The following ABCA13 variants were observed in gnomAD, a reference collection of about 807,000 sequenced individuals.
ABCA13 encodes the protein ATP-binding cassette sub-family A member 13.
In ABCA13, 476 loss-of-function variants were observed where a neutral mutation model predicts 478.7. The observed-to-expected ratio is 0.99, with a 90% CI of 0.92 to 1.07. The LOEUF (loss-of-function observed/expected upper bound fraction) is 1.07. Among genes scored for constraint, ABCA13 ranks in the 50% least tolerant of loss-of-function variants. ABCA13 has a pLI of 0.00. For missense variants in ABCA13, 6,060 were observed against 5,910.6 expected, an observed-to-expected ratio of 1.03 and a Z score of -0.83; for synonymous variants, 2,252 against 2,158.9, an observed-to-expected ratio of 1.04 and a Z score of -1.20.
chr7:48,246,048 T>TCTTC lies in ABCA13; in HGVS notation c.1659+18_1659+19insCTTC, dbSNP rs1562871117. The TCTTC allele has an allele frequency of 6.2e-7, 1 of 1,607,798 alleles. No homozygotes were observed. Among genetic ancestry groups the TCTTC allele is most frequent in the Non-Finnish European group, 8.5e-7 (1 of 1,176,726 alleles). On this transcript the variant is annotated intron_variant, in intron 13 of 61. Coordinates refer to ENST00000435803, the MANE Select transcript of ABCA13 (RefSeq NM_152701.5). ...AGGATGCTGTAAGTATTCTACCATC[T>TCTTC]TAGCTCTTCTAAGGGCACAAATTTA...
Position 48,274,937 on chromosome 7 carries a change from G to T in ABCA13, c.5271G>T (p.Leu1757=). ...TGCTTCCTCATGCTGTAAGGCTCCT[G>T]CAGGGAGTACCTGGTAAAAACATCA... The part of the protein sequence containing the change: ...YYVLPHAVRL[L]QGVPGKNITE... Residue 1757 remains leucine (L), a synonymous_variant, in exon 17 of 62, where the codon CTG becomes CTT. Coordinates refer to ENST00000435803, the MANE Select transcript of ABCA13 (RefSeq NM_152701.5). 3 of 1,613,852 alleles carry T rather than the reference G, an allele frequency of 1.9e-6. No homozygotes were observed. The highest frequency in any genetic ancestry group is 1.1e-5 in the South Asian group (1 of 91,086).
chr7:48,180,916 G>C (rs1795606637), intron 1 of ABCA13, among the ~76,000 whole-genome samples: 1 of 150,212 alleles, frequency 6.7e-6, no homozygotes, highest in African/African-American at 2.4e-5. Context: ...AAAACAAAAG[G>C]AAATGAAACA....
At chr7:48,457,423 T>C (rs1825798782) in intron 43 of ABCA13, among the ~76,000 whole-genome samples, 1 of 152,202 alleles carries the variant, frequency 6.6e-6, no homozygotes, top group Non-Finnish European at 1.5e-5. Context: ...TGATACCATT[T>C]TCAGTTGACT....
rs1795477633 is a variant in ABCA13 at position 48,647,116 on chromosome 7, A to G, written c.*1604A>G. The G allele has an allele frequency of 6.6e-6, 1 of 152,172 alleles. No homozygotes were observed. Among genetic ancestry groups the G allele is most frequent in the Admixed American group, 6.5e-5 (1 of 15,276 alleles). 9.4% of individuals were successfully genotyped at this position (152,172 alleles called of 1,614,324 possible). A position where few individuals can be genotyped will look rare whatever the true frequency, so the allele number is the denominator to read the frequency against. Reference sequence around the variant, plus strand: ...ATTTTAAAATTTGGCCTTTTTCAACACTAACGTTGAGTACCGGTAGCTTGT... The same window carrying G: ...ATTTTAAAATTTGGCCTTTTTCAACGCTAACGTTGAGTACCGGTAGCTTGT... On this transcript the variant is annotated 3_prime_UTR_variant, in exon 62 of 62. Coordinates refer to ENST00000435803, the MANE Select transcript of ABCA13 (RefSeq NM_152701.5).
At chr7:48,388,083 T>A in intron 36 of ABCA13, 124 bp downstream of exon 36, 1 of 1,044,064 alleles carries the variant, frequency 9.6e-7, no homozygotes, top group Non-Finnish European at 1.3e-6. Context: ...GACTTACATT[T>A]AGGCTGTCTT....
intron 58 of ABCA13, among the ~76,000 whole-genome samples, chr7:48,608,421 C>T (rs1475034934): frequency 6.6e-6 from 1 of 152,224 alleles, no homozygotes; most frequent in South Asian, 2.1e-4. Flanking sequence ...TCTGGGTTCA[C>T]AAAGAACATG....
chr7:48,427,917 C>T (rs1381414245), intron 42 of ABCA13, 46 bp downstream of exon 42: 2 of 1,304,692 alleles, frequency 1.5e-6, no homozygotes, highest in Non-Finnish European at 2.1e-6. Flanking sequence ...GGAACAATGA[C>T]ACCAGCCTTA....
Position 48,261,823 on chromosome 7 carries a change from A to C in ABCA13, c.2006-7157A>C, listed in dbSNP as rs2128723692. On this transcript the variant is annotated intron_variant, in intron 15 of 61. Transcript: ENST00000435803. ...TGTAAACTTTCCCCAGTTTGTAATG[A>C]TTCTAGGCTGTTCATTCATATTTAA... Among the ~76,000 whole-genome samples the C allele has an allele frequency of 1.3e-5, 2 of 151,874 alleles. 1 individual carries two copies. The highest frequency in any genetic ancestry group is 1.3e-4 in the Admixed American group (2 of 15,230).
intron 48 of ABCA13, among the ~76,000 whole-genome samples, chr7:48,502,382 T>G (rs946270557): frequency 1.3e-5 from 2 of 152,250 alleles, no homozygotes; most frequent in Non-Finnish European, 2.9e-5. Context: ...CTTTCAGCAG[T>G]GACTGTCATG....
At chr7:48,538,481 A>C (rs1050335696) in intron 55 of ABCA13, among the ~76,000 whole-genome samples, 9 of 152,176 alleles carry the variant, frequency 5.9e-5, no homozygotes, top group Non-Finnish European at 1.0e-4. Flanking sequence ...GAAAAAGAAC[A>C]TCCAATGACT....
chr7:48,611,923 C>T (rs553131360), intron 58 of ABCA13: 7 of 152,154 alleles, frequency 4.6e-5, no homozygotes, highest in Non-Finnish European at 1.0e-4. Flanking sequence ...TGTGTTTGTA[C>T]AGGAAAATAT....
intron 20 of ABCA13, among the ~76,000 whole-genome samples, chr7:48,293,583 T>A (rs1425200269): frequency 6.6e-6 from 1 of 152,210 alleles, no homozygotes; most frequent in South Asian, 2.1e-4. Flanking sequence ...GTAGAATAGC[T>A]GTGACTAGGG....
At chr7:48,612,476 G>T (rs907736753) in intron 58 of ABCA13, among the ~76,000 whole-genome samples, 5 of 152,076 alleles carry the variant, frequency 3.3e-5, no homozygotes, top group Admixed American at 3.3e-4. Flanking sequence ...ATACTTTTTT[G>T]TGTGTTTTTC....
In ABCA13 at chr7:48,615,311, C is replaced by T; in HGVS notation, c.14771C>T (p.Thr4924Ile). Reference protein sequence around the residue: ...HSMEECEALCTRLAIMVNGSF... With the variant: ...HSMEECEALCIRLAIMVNGSF... ...ATGGAGGAGTGTGAGGCTCTTTGCA[C>T]AAGACTGGCCATAATGGTTAACGGC... Residue 4924 changes from threonine to isoleucine, a missense_variant, in exon 59 of 62, where the codon ACA becomes ATA. This residue lies in a region of ABCA13 where 1,627 missense variants were observed against 1,571.0 expected (regional missense o/e 1.04). Transcript: ENST00000435803. 1 of 1,576,644 alleles carries T rather than the reference C, an allele frequency of 6.3e-7. No individual in the cohort carries two copies. The highest frequency in any genetic ancestry group is 1.2e-5 in the South Asian group (1 of 85,088).
chr7:48,625,196 A>G (rs1793549693), intron 59 of ABCA13, among the ~76,000 whole-genome samples: 1 of 152,250 alleles, frequency 6.6e-6, no homozygotes, highest in Non-Finnish European at 1.5e-5. Context: ...ATGTGACACC[A>G]TATGCTTTAG....
At chr7:48,502,457 TA>T (rs1200150415) in intron 48 of ABCA13, among the ~76,000 whole-genome samples, 1 of 152,202 alleles carries the variant, frequency 6.6e-6, no homozygotes, top group Non-Finnish European at 1.5e-5. Context: ...GGTAGTTTAA[TA>T]TTTTATTATT....
At position 48,304,300 on chromosome 7, in the gene ABCA13, G is replaced by T. The variant is rs1326078435; in HGVS notation, c.9322-5647G>T. Among the ~76,000 whole-genome samples, 11 of 152,182 alleles carry T rather than the reference G, an allele frequency of 7.2e-5. 1 individual carries two copies. In the South Asian group the frequency reaches 2.1e-3, roughly 29 times the overall value. ...GGGAACTGGAAATGGAGACAGAGAA[G>T]TTGGTGGAGAAGGTGGCCAGACAGC... On this transcript the variant is annotated intron_variant, in intron 23 of 61. Transcript: ENST00000435803.
At position 48,427,761 on chromosome 7, in the gene ABCA13, G is replaced by A. The variant is rs140972048; in HGVS notation, c.12460-5G>A. 2.5e-4 allele frequency: 396 copies of A among 1,596,232 alleles called. 2 individuals are homozygous for A. The African/African-American group carries it at 3.2e-3, about 13-fold the overall frequency. ...TAATACATGGCGTTTTTTTTTCTCC[G>A]AAAGGTGTTTTTGATGCTTTTGCAA... On this transcript the variant is annotated splice_region_variant and splice_polypyrimidine_tract_variant and intron_variant, in intron 41 of 61. Transcript: ENST00000435803.
rs1584599121 is a variant in ABCA13, at chr7:48,279,815, T to C, written c.8621T>C (p.Ile2874Thr). The C allele has an allele frequency of 6.3e-7, 1 of 1,596,980 alleles. No individual in the cohort carries two copies. Among genetic ancestry groups the C allele is most frequent in the African/African-American group, 1.4e-5 (1 of 73,442 alleles). ...GAAGAGAGAACCAAGAAAGAGATGA[T>C]TGACTTTCCTTATAGTTTCAAACCA... ...EKEERTKKEM[I>T]DFPYSFKPFF... Residue 2874 changes from isoleucine (I) to threonine (T), a missense_variant, in exon 18 of 62, where the codon ATT becomes ACT. Transcript: ENST00000435803.
Sources: allele counts gnomAD v4.1 joint callset (sites outside exome capture counted in the v4.1 genomes callset), GRCh38; gene constraint gnomAD v4.1.1; regional missense constraint gnomAD v4.1.1; transcripts MANE v1.5; gene names NCBI Gene and HGNC (gene_info 2026-07-23, HGNC 2026-07-21).